The following CNTN6 variants were observed in gnomAD, a reference collection of about 807,000 sequenced individuals.
The protein encoded by CNTN6 is contactin 6, also known as contactin-6.
Under a neutral mutation model 122.8 loss-of-function variants are expected in CNTN6, and 137 were observed. That is an observed-to-expected ratio of 1.12 (90% CI 0.97 to 1.29). CNTN6 has a LOEUF of 1.29. Ranked by LOEUF, CNTN6 falls within the 50% of genes most tolerant of loss-of-function variation. CNTN6 has a pLI of 0.00. For synonymous variants in CNTN6, 570 were observed against 426.0 expected (o/e 1.34, Z -4.16); for missense variants, 1,634 against 1,223.4 (o/e 1.34, Z -5.01).
At chr3:1,202,031 G>A (rs1032670) in intron 2 of CNTN6, among the ~76,000 whole-genome samples, 4,495 of 152,100 alleles carry the variant, frequency 0.03, 107 homozygotes, top group Non-Finnish European at 0.045. Context: ...CATTTATAAC[G>A]GCATAAAATA....
chr3:1,248,378 C>T (rs903541498), intron 4 of CNTN6, among the ~76,000 whole-genome samples: 2 of 152,128 alleles, frequency 1.3e-5, no homozygotes, highest in Non-Finnish European at 2.9e-5. Flanking sequence ...GTATCTTCCT[C>T]AAAGTAAGTA....
intron 1 of CNTN6, among the ~76,000 whole-genome samples, chr3:1,108,392 A>G (rs2091326771): frequency 6.6e-6 from 1 of 152,044 alleles, no homozygotes; most frequent in African/African-American, 2.4e-5. Context: ...ATGCATTTCT[A>G]TATGGTATTT....
intron 2 of CNTN6, among the ~76,000 whole-genome samples, chr3:1,212,850 A>G (rs1431357040): frequency 6.6e-6 from 1 of 152,156 alleles, no homozygotes; most frequent in Non-Finnish European, 1.5e-5. Context: ...ATTTACCAAA[A>G]GATATTAAAC....
chr3:1,289,965 C>T (rs946733566), intron 5 of CNTN6, among the ~76,000 whole-genome samples: 11 of 152,196 alleles, frequency 7.2e-5, no homozygotes, highest in East Asian at 1.9e-4. Context: ...TGAGCCAATG[C>T]GCCCGGCGAG....
At chr3:1,235,442 T>C (rs908852685) in intron 4 of CNTN6, among the ~76,000 whole-genome samples, 9 of 150,728 alleles carry the variant, frequency 6.0e-5, no homozygotes, top group Admixed American at 5.3e-4. Flanking sequence ...ATTGTTTATT[T>C]ATATATAAAT....
At chr3:1,195,928 G>A (rs1022405153) in intron 2 of CNTN6, among the ~76,000 whole-genome samples, 3 of 151,468 alleles carry the variant, frequency 2.0e-5, no homozygotes, top group Non-Finnish European at 4.4e-5. Context: ...TTTTTCATGA[G>A]CTAACACAAG....
intron 19 of CNTN6, among the ~76,000 whole-genome samples, chr3:1,383,613 A>ACAGAATTCGAGAGTGAGCC (rs1297981214): frequency 6.6e-6 from 1 of 152,090 alleles, no homozygotes; most frequent in Non-Finnish European, 1.5e-5. Context: ...CTCGCTCAAG[A>ACAGAATTCGAGAGTGAGCC]CAGAATTCGA....
chr3:1,348,236 A>T (rs1487481234), intron 11 of CNTN6, among the ~76,000 whole-genome samples: 5 of 151,186 alleles, frequency 3.3e-5, no homozygotes, highest in Non-Finnish European at 5.9e-5. Flanking sequence ...TGGGATTCAG[A>T]TTCGATCATA....
At chr3:1,382,585 G>A (rs74809651) in intron 17 of CNTN6, among the ~76,000 whole-genome samples, 1 of 146,362 alleles carries the variant, frequency 6.8e-6, no homozygotes, top group Non-Finnish European at 1.5e-5. Context: ...AAATAGTTAA[G>A]AAGTTAATTT....
intron 3 of CNTN6, among the ~76,000 whole-genome samples, chr3:1,225,502 G>A (rs3772345): frequency 0.089 from 13,560 of 152,092 alleles, 1,397 homozygotes; most frequent in East Asian, 0.48. Flanking sequence ...TGATGACAGC[G>A]GTTATTTCAG....
intron 1 of CNTN6, among the ~76,000 whole-genome samples, chr3:1,099,267 C>T (rs574306265): frequency 1.6e-4 from 24 of 151,806 alleles, no homozygotes; most frequent in Admixed American, 3.9e-4. Flanking sequence ...CTGGCTAACA[C>T]GGTGAAACCC....
chr3:1,324,039 T>C (rs1415376320), intron 8 of CNTN6, among the ~76,000 whole-genome samples: 1 of 149,776 alleles, frequency 6.7e-6, no homozygotes, highest in Non-Finnish European at 1.5e-5. Flanking sequence ...CAAATACTTA[T>C]GAATTATATA....
At position 1,404,022 on chromosome 3, in the gene CNTN6, T is replaced by C. The variant is rs180750000; in HGVS notation, c.*604T>C. The C allele has an allele frequency of 6.6e-6, 1 of 152,238 alleles. No individual in the cohort carries two copies. Among genetic ancestry groups the C allele is most frequent in the Non-Finnish European group, 1.5e-5 (1 of 68,010 alleles). 9.4% of individuals were successfully genotyped at this position (152,238 alleles called of 1,614,324 possible). A position where few individuals can be genotyped will look rare whatever the true frequency, so the allele number is the denominator to read the frequency against. ...CAATAAAGGCAGAAAAAGTATTTTA[T>C]GGCAAAGAAAAATAAATGATGGGAA... On this transcript the variant is annotated 3_prime_UTR_variant, in exon 23 of 23. Transcript: ENST00000446702.
chr3:1,270,934 A>T (rs9865705), intron 4 of CNTN6, among the ~76,000 whole-genome samples: 1 of 151,770 alleles, frequency 6.6e-6, no homozygotes, highest in South Asian at 2.1e-4. Flanking sequence ...ACAAAGTCTG[A>T]CTCTGTCACC....
chr3:1,175,677 T>C (rs1226322157), intron 2 of CNTN6, among the ~76,000 whole-genome samples: 2 of 152,238 alleles, frequency 1.3e-5, no homozygotes, highest in Non-Finnish European at 2.9e-5. Context: ...ATCTGATTTG[T>C]ATATGCAAAA....
intron 11 of CNTN6, among the ~76,000 whole-genome samples, chr3:1,333,618 G>A (rs1025722139): frequency 5.3e-5 from 8 of 152,012 alleles, no homozygotes; most frequent in African/African-American, 1.9e-4. Context: ...ATATGGTACT[G>A]TCTACTTTGA....
intron 11 of CNTN6, 104 bp downstream of exon 11, chr3:1,330,039 G>T (rs1198055486): frequency 4.9e-6 from 4 of 814,800 alleles, no homozygotes; most frequent in Non-Finnish European, 5.4e-6. Flanking sequence ...TTATGATAAA[G>T]TCTCATTGGC....
chr3:1,354,964 G>C (rs1329911985), intron 12 of CNTN6, among the ~76,000 whole-genome samples: 1 of 151,554 alleles, frequency 6.6e-6, no homozygotes. Context: ...AATTCGTGAA[G>C]AGAATTCATT....
intron 4 of CNTN6, among the ~76,000 whole-genome samples, chr3:1,264,884 C>G (rs561925999): frequency 6.6e-6 from 1 of 152,186 alleles, no homozygotes; most frequent in African/African-American, 2.4e-5. Context: ...CTCCCCCAGC[C>G]TCTGGTAACC....
Sources: gnomAD v4.1 joint callset for allele counts (sites outside exome capture counted in the v4.1 genomes callset) on GRCh38, gnomAD v4.1.1 for gene constraint, MANE v1.5 for transcripts, NCBI Gene and HGNC (gene_info 2026-07-23, HGNC 2026-07-21) for gene names.